SLIT3: variants seen among roughly 807,000 people sequenced by gnomAD.
SLIT3 encodes slit guidance ligand 3.
A neutral mutation model predicts 184.0 loss-of-function variants in SLIT3; 68 were observed. The ratio of observed to expected loss-of-function variants is 0.37; its 90% CI spans 0.30 to 0.45. The LOEUF is 0.45. SLIT3 is among the 20% of genes least tolerant of loss of function. The pLI, the probability that SLIT3 is intolerant of heterozygous loss-of-function variation, is 1.00. For synonymous variants in SLIT3, 831 were observed against 828.6 expected, an observed-to-expected ratio of 1.00 and a Z score of -0.05; for missense variants, 1,707 against 2,026.0, an observed-to-expected ratio of 0.84 and a Z score of 3.02.
rs1415571259 is a variant in SLIT3 at position 169,227,804 on chromosome 5, TGAG to T, written c.341+16898_341+16900del. Among the ~76,000 whole-genome samples the T allele has an allele frequency of 2.6e-5, 4 of 152,314 alleles. No homozygotes were observed. The South Asian group carries it at 6.2e-4, about 24-fold the overall frequency. On this transcript the variant is annotated intron_variant, in intron 3 of 35. Transcript: ENST00000519560. The stretch of plus-strand genomic sequence containing the variant: ...TACTTCTATTACCCCCTTTCGCAGA[TGAG>T]GAGATGAAGGCACTTGCCTAAATCT...
chr5:168,747,334 C>G (rs1258687962), intron 20 of SLIT3, among the ~76,000 whole-genome samples: 1 of 152,214 alleles, frequency 6.6e-6, no homozygotes, highest in Non-Finnish European at 1.5e-5. Flanking sequence ...GAGTGAATGT[C>G]TGCCTTCCTT....
chr5:168,927,594 A>G (rs1761870892), intron 4 of SLIT3, among the ~76,000 whole-genome samples: 1 of 152,184 alleles, frequency 6.6e-6, no homozygotes, highest in African/African-American at 2.4e-5. Flanking sequence ...GACCCCTGGG[A>G]TCCAATCTGC....
At chr5:168,921,947 A>G (rs1437904451) in intron 4 of SLIT3, among the ~76,000 whole-genome samples, 1 of 152,210 alleles carries the variant, frequency 6.6e-6, no homozygotes, top group Non-Finnish European at 1.5e-5. Flanking sequence ...TAGGGGAAGA[A>G]AAGCAATATT....
chr5:169,233,382 G>T (rs1240308320), intron 3 of SLIT3, among the ~76,000 whole-genome samples: 1 of 147,044 alleles, frequency 6.8e-6, no homozygotes, highest in African/African-American at 2.5e-5. Context: ...CCAATTGTTT[G>T]TTGTTGGTAT....
intron 4 of SLIT3, among the ~76,000 whole-genome samples, chr5:169,105,921 T>A (rs200297093): frequency 6.6e-6 from 1 of 152,162 alleles, no homozygotes; most frequent in South Asian, 2.1e-4. Context: ...TGAACATACA[T>A]GTGCATGTAT....
chr5:169,203,339 G>T (rs1763962175), intron 3 of SLIT3, among the ~76,000 whole-genome samples: 1 of 143,192 alleles, frequency 7.0e-6, no homozygotes, highest in East Asian at 2.1e-4. Context: ...ATTTATGCGT[G>T]CATGTGAATG....
At chr5:169,234,025 T>A (rs769508342) in intron 3 of SLIT3, among the ~76,000 whole-genome samples, 1 of 152,384 alleles carries the variant, frequency 6.6e-6, no homozygotes, top group Admixed American at 6.5e-5. Flanking sequence ...CAAATTAGTA[T>A]TGAATTTTAT....
At chr5:168,828,671 G>C (rs60303892) in intron 6 of SLIT3, among the ~76,000 whole-genome samples, 48 of 76,248 alleles carry the variant, frequency 6.3e-4, no homozygotes, top group Non-Finnish European at 1.1e-3. Flanking sequence ...AAAAAAAAAA[G>C]AAAAAAGAAA....
intron 4 of SLIT3, among the ~76,000 whole-genome samples, chr5:168,939,205 A>T (rs1036587407): frequency 1.1e-4 from 16 of 152,226 alleles, no homozygotes; most frequent in Admixed American, 7.2e-4. Flanking sequence ...GCTGTGGGTC[A>T]GCGCTATGAT....
intron 4 of SLIT3, among the ~76,000 whole-genome samples, chr5:169,081,702 G>A (rs534710138): frequency 3.3e-5 from 5 of 152,220 alleles, no homozygotes; most frequent in South Asian, 4.2e-4. Flanking sequence ...CATGAGTCCC[G>A]GCAGCAATTC....
At chr5:168,758,765 A>G (rs183834194) in intron 16 of SLIT3, among the ~76,000 whole-genome samples, 1 of 152,340 alleles carries the variant, frequency 6.6e-6, no homozygotes, top group East Asian at 1.9e-4. Flanking sequence ...GGCCTCTGTC[A>G]TATTTGTCTA....
intron 4 of SLIT3, among the ~76,000 whole-genome samples, chr5:168,970,610 T>A (rs1754544496): frequency 6.6e-6 from 1 of 152,210 alleles, no homozygotes; most frequent in African/African-American, 2.4e-5. Context: ...ACTGGGCTGT[T>A]TTATGGCCAC....
chr5:168,685,813 G>A lies in SLIT3; in HGVS notation c.3429C>T (p.Cys1143=). ...GGCCGGCGAAGCCTGGTGGGCAGCG[G>A]CAGGTGGGCTCCTGCTGCACCACGA... ...QCIVVQQEPT[C]RCPPGFAGPR... The change falls in exon 31 of 36, where the codon TGC becomes TGT. Residue 1143 remains cysteine, a synonymous_variant. Coordinates refer to ENST00000519560, the MANE Select transcript of SLIT3 (RefSeq NM_003062.4). The A allele has an allele frequency of 6.2e-7, 1 of 1,613,964 alleles. No homozygotes were observed. The highest frequency in any genetic ancestry group is 8.5e-7 in the Non-Finnish European group (1 of 1,179,994).
At chr5:168,690,731 T>A (rs1761882762) in intron 29 of SLIT3, among the ~76,000 whole-genome samples, 1 of 152,056 alleles carries the variant, frequency 6.6e-6, no homozygotes, top group Non-Finnish European at 1.5e-5. Context: ...TGAGGGGGCA[T>A]GGGGCAGATG....
At position 168,742,512 on chromosome 5, in the gene SLIT3, G is replaced by A. The variant is rs186638541; in HGVS notation, c.2270+5790C>T. Among the ~76,000 whole-genome samples the A allele has an allele frequency of 1.2e-3, 143 of 118,228 alleles. 25 individuals are homozygous for A. Among genetic ancestry groups the A allele is most frequent in the African/African-American group, 4.1e-3 (116 of 28,218 alleles). The allele number at this position is 118,228 out of a possible 152,430, so 77.6% of individuals were successfully genotyped here. A position where few individuals can be genotyped will look rare whatever the true frequency, so the allele number is the denominator to read the frequency against. On this transcript the variant is annotated intron_variant, in intron 20 of 35. Transcript: ENST00000519560. Reference sequence around the variant, plus strand: ...GGAATCAGGTCACAGGACTCACCACGGCCTTTGAGACATACCAGCTGCACA... The same window carrying A: ...GGAATCAGGTCACAGGACTCACCACAGCCTTTGAGACATACCAGCTGCACA...
intron 4 of SLIT3, among the ~76,000 whole-genome samples, chr5:169,113,975 T>C (rs1322809210): frequency 6.6e-6 from 1 of 152,162 alleles, no homozygotes; most frequent in Non-Finnish European, 1.5e-5. Context: ...TTTTAATAAC[T>C]GAATCAATCA....
In SLIT3 at chr5:168,804,029, G is replaced by A. The variant is rs139521736; in HGVS notation, c.935+2417C>T. On this transcript the variant is annotated intron_variant, in intron 9 of 35. Coordinates refer to ENST00000519560, the MANE Select transcript of SLIT3 (RefSeq NM_003062.4). Reference sequence around the variant, plus strand: ...GGGAGAAAATGATGAAGGGGAGGGCGGGCACGGTGGCTCATACCTGTAATC... The same window carrying A: ...GGGAGAAAATGATGAAGGGGAGGGCAGGCACGGTGGCTCATACCTGTAATC... Among the ~76,000 whole-genome samples, 551 of 150,164 alleles carry A rather than the reference G, an allele frequency of 3.7e-3. 2 individuals carry two copies. Among genetic ancestry groups the A allele is most frequent in the Non-Finnish European group, 5.2e-3 (351 of 67,522 alleles).
chr5:168,836,266 C>T (rs1581130568), intron 6 of SLIT3, among the ~76,000 whole-genome samples: 1 of 152,208 alleles, frequency 6.6e-6, no homozygotes, highest in East Asian at 1.9e-4. Flanking sequence ...AGGAACAAGG[C>T]TCCCTGGCTT....
At chr5:168,913,551 T>C (rs1761326359) in intron 4 of SLIT3, among the ~76,000 whole-genome samples, 1 of 151,994 alleles carries the variant, frequency 6.6e-6, no homozygotes, top group Admixed American at 6.6e-5. Flanking sequence ...GTGGATCACG[T>C]AAGGTCAGGA....
Sources: gnomAD v4.1 joint callset for allele counts (sites outside exome capture counted in the v4.1 genomes callset) on GRCh38, gnomAD v4.1.1 for gene constraint, MANE v1.5 for transcripts, NCBI Gene and HGNC (gene_info 2026-07-23, HGNC 2026-07-21) for gene names.